XPO4: variants seen among roughly 807,000 people sequenced by gnomAD.
XPO4 encodes the protein exportin 4, also known as exportin-4.
A neutral mutation model predicts 143.0 loss-of-function variants in XPO4; 39 were observed. The observed-to-expected ratio is 0.27, with a 90% CI of 0.21 to 0.36. The LOEUF is 0.36. XPO4 is among the 10% of genes least tolerant of loss of function. XPO4 has a pLI of 1.00. For synonymous variants in XPO4, 439 were observed against 474.0 expected, an observed-to-expected ratio of 0.93 and a Z score of 0.96; for missense variants, 907 against 1,348.0, an observed-to-expected ratio of 0.67 and a Z score of 5.12.
At chr13:20,859,060 G>A (rs188670796) in intron 3 of XPO4, among the ~76,000 whole-genome samples, 11 of 151,846 alleles carry the variant, frequency 7.2e-5, no homozygotes, top group East Asian at 1.9e-4. Flanking sequence ...GGCCAGGTAC[G>A]GTGGTTCATT....
At chr13:20,881,781 A>G (rs190853053) in intron 1 of XPO4, among the ~76,000 whole-genome samples, 9 of 152,218 alleles carry the variant, frequency 5.9e-5, no homozygotes, top group Admixed American at 1.3e-4. Context: ...AAAACTCACT[A>G]AACAGATCAA....
chr13:20,882,654 G>A (rs973292875), intron 1 of XPO4, among the ~76,000 whole-genome samples: 1 of 152,132 alleles, frequency 6.6e-6, no homozygotes, highest in Non-Finnish European at 1.5e-5. Flanking sequence ...TTGGGAGGCC[G>A]AGGTGGGTGG....
At chr13:20,807,425 T>G in intron 13 of XPO4, 32 bp downstream of exon 13, 2 of 1,573,114 alleles carry the variant, frequency 1.3e-6, no homozygotes, top group Non-Finnish European at 1.7e-6. Flanking sequence ...AGTATAAAAA[T>G]TACAAGAGCA....
chr13:20,827,515 G>T lies in XPO4; in HGVS notation c.728-336C>A, dbSNP rs1566589323. Among the ~76,000 whole-genome samples, 4 of 152,206 alleles carry T rather than the reference G, an allele frequency of 2.6e-5. No individual in the cohort carries two copies. In the East Asian group the frequency reaches 7.7e-4, roughly 29 times the overall value. On this transcript the variant is annotated intron_variant, in intron 6 of 22. Coordinates refer to ENST00000255305, the MANE Select transcript of XPO4 (RefSeq NM_022459.5). The stretch of plus-strand genomic sequence containing the variant: ...GCATATGCCAAAATTCATGTAAAAA[G>T]AATCAATTTCTGCAAGTTTATCCCA...
intron 2 of XPO4, among the ~76,000 whole-genome samples, chr13:20,864,935 C>T (rs2060232321): frequency 6.6e-6 from 1 of 151,198 alleles, no homozygotes; most frequent in Admixed American, 6.6e-5. Flanking sequence ...TAATAAATTA[C>T]CCTTTCTCAT....
chr13:20,829,968 T>C (rs1008704691), intron 6 of XPO4, among the ~76,000 whole-genome samples: 1 of 152,226 alleles, frequency 6.6e-6, no homozygotes, highest in African/African-American at 2.4e-5. Context: ...TGGATATCAA[T>C]TATTTACATT....
intron 16 of XPO4, 125 bp downstream of exon 16, chr13:20,799,040 A>G (rs2059397546): frequency 1.0e-6 from 1 of 1,003,810 alleles, no homozygotes; most frequent in South Asian, 2.8e-5. Flanking sequence ...AAAAAAAGAA[A>G]GAAAGAAAGA....
At chr13:20,886,352 C>T (rs923550818) in intron 1 of XPO4, among the ~76,000 whole-genome samples, 3 of 152,174 alleles carry the variant, frequency 2.0e-5, no homozygotes, top group Non-Finnish European at 4.4e-5. Context: ...TGGCTCACAC[C>T]TGTAATCCCA....
chr13:20,889,315 T>G (rs193052469), intron 1 of XPO4, among the ~76,000 whole-genome samples: 63 of 152,306 alleles, frequency 4.1e-4, no homozygotes, highest in Admixed American at 7.2e-4. Flanking sequence ...ACTGAACTGC[T>G]CTAGATGCTG....
intron 6 of XPO4, among the ~76,000 whole-genome samples, chr13:20,836,909 T>A (rs568292383): frequency 6.6e-6 from 1 of 152,238 alleles, no homozygotes; most frequent in Non-Finnish European, 1.5e-5. Context: ...TTCATAAATA[T>A]GTTATCATAT....
intron 20 of XPO4, among the ~76,000 whole-genome samples, chr13:20,788,049 G>GT (rs1276190178): frequency 1.4e-4 from 18 of 130,930 alleles, no homozygotes; most frequent in African/African-American, 4.8e-4. Context: ...ACAGTTTTTT[G>GT]TTTTTTTGTT....
At chr13:20,847,854 C>T (rs1260467832) in intron 4 of XPO4, among the ~76,000 whole-genome samples, 1 of 152,174 alleles carries the variant, frequency 6.6e-6, no homozygotes, top group African/African-American at 2.4e-5. Flanking sequence ...GTTAATACAA[C>T]AATACTTCAC....
rs2059112839 is a variant in XPO4 at position 20,779,130 on chromosome 13, G to C, written c.*4592C>G. The C allele has an allele frequency of 6.6e-6, 1 of 152,066 alleles. No individual in the cohort carries two copies. The highest frequency in any genetic ancestry group is 2.4e-5 in the African/African-American group (1 of 41,388). The allele number at this position is 152,066 out of a possible 1,614,324, so 9.4% of individuals were successfully genotyped here. Reference sequence around the variant, plus strand: ...TTAAATAAAACTGAAAAGTCTTAGTGTAAGTTTAAAATTTTAATATTTATA... The same window carrying C: ...TTAAATAAAACTGAAAAGTCTTAGTCTAAGTTTAAAATTTTAATATTTATA... On this transcript the variant is annotated 3_prime_UTR_variant, in exon 23 of 23. Coordinates refer to ENST00000255305, the MANE Select transcript of XPO4 (RefSeq NM_022459.5).
At position 20,855,717 on chromosome 13, in the gene XPO4, A is replaced by G; in HGVS notation, c.366T>C (p.Ile122=). Residue 122 remains isoleucine, a synonymous_variant, in exon 4 of 23, where the codon ATT becomes ATC. Transcript: ENST00000255305. ...REQILLAVAV[I]VKRGSLDKSI... ...ATTTATCTAATGATCCTCTTTTTAC[A>G]ATTACTGCTACTGCTAGTAGAATCT... 1 of 1,610,744 alleles carries G rather than the reference A, an allele frequency of 6.2e-7. No homozygotes were observed. Among genetic ancestry groups the G allele is most frequent in the Non-Finnish European group, 8.5e-7 (1 of 1,179,252 alleles).
chr13:20,790,625 A>T, intron 18 of XPO4, 45 bp from the exon 19 acceptor site: 1 of 1,475,876 alleles, frequency 6.8e-7, no homozygotes, highest in Non-Finnish European at 9.4e-7. Flanking sequence ...AACATCAATA[A>T]ATCTTCCAAG....
intron 2 of XPO4, among the ~76,000 whole-genome samples, chr13:20,867,818 T>C (rs2060257979): frequency 1.3e-5 from 2 of 152,172 alleles, no homozygotes; most frequent in South Asian, 4.1e-4. Context: ...ATGACTCAAG[T>C]AGCCTACTAG....
intron 19 of XPO4, 123 bp downstream of exon 19, chr13:20,790,339 G>T: frequency 1.3e-6 from 1 of 756,808 alleles, no homozygotes; most frequent in Non-Finnish European, 2.2e-6. Flanking sequence ...TACAAAAATT[G>T]TATCTTCATG....
intron 6 of XPO4, among the ~76,000 whole-genome samples, chr13:20,829,819 A>T (rs2059830678): frequency 6.6e-6 from 1 of 152,208 alleles, no homozygotes; most frequent in African/African-American, 2.4e-5. Flanking sequence ...GATTCAATAA[A>T]TCTTACAAAA....
At chr13:20,791,222 T>G (rs9552280) in intron 18 of XPO4, among the ~76,000 whole-genome samples, 1 of 151,962 alleles carries the variant, frequency 6.6e-6, no homozygotes, top group South Asian at 2.1e-4. Context: ...CCATTCCAAC[T>G]ATTAATCAAG....
Sources: allele counts gnomAD v4.1 joint callset (sites outside exome capture counted in the v4.1 genomes callset), GRCh38; gene constraint gnomAD v4.1.1; transcripts MANE v1.5; gene names NCBI Gene and HGNC (gene_info 2026-07-23, HGNC 2026-07-21).